ARSB: variants seen among roughly 807,000 people sequenced by gnomAD.
The protein encoded by ARSB is arylsulfatase B, also known as N-acetylgalactosamine-4-sulfatase.
ARSB carries 41 observed loss-of-function variants against 50.9 expected under a neutral mutation model. The observed-to-expected ratio is 0.81, with a 90% CI of 0.63 to 1.04. The LOEUF is 1.04. Ranked by LOEUF, ARSB falls within the 50% of genes least tolerant of loss-of-function variation. The pLI is 0.00. For missense variants in ARSB, 672 were observed against 693.3 expected, an observed-to-expected ratio of 0.97 and a Z score of 0.35; for synonymous variants, 269 against 284.8, an observed-to-expected ratio of 0.94 and a Z score of 0.56.
At chr5:78,825,738 A>G (rs1744408161) in intron 6 of ARSB, among the ~76,000 whole-genome samples, 1 of 152,202 alleles carries the variant, frequency 6.6e-6, no homozygotes, top group Non-Finnish European at 1.5e-5. Context: ...AAAGTCAGCT[A>G]TAAGCACTGA....
At chr5:78,967,342 T>TAATA (rs1450328432) in intron 2 of ARSB, among the ~76,000 whole-genome samples, 1 of 152,184 alleles carries the variant, frequency 6.6e-6, no homozygotes, top group African/African-American at 2.4e-5. Context: ...GTAACTCTTA[T>TAATA]AGTCTTTTCC....
intron 4 of ARSB, among the ~76,000 whole-genome samples, chr5:78,937,921 G>A (rs1484411643): frequency 6.6e-6 from 1 of 152,122 alleles, no homozygotes; most frequent in Non-Finnish European, 1.5e-5. Flanking sequence ...GGGTCACAGA[G>A]AAGTGAAAAA....
chr5:78,893,069 T>C (rs750011635), intron 4 of ARSB, among the ~76,000 whole-genome samples: 8 of 152,182 alleles, frequency 5.3e-5, no homozygotes, highest in Non-Finnish European at 5.9e-5. Flanking sequence ...CAGGGGCAGA[T>C]TCCCCCATAC....
intron 4 of ARSB, among the ~76,000 whole-genome samples, chr5:78,923,794 G>A (rs1749932792): frequency 6.6e-6 from 1 of 152,174 alleles, no homozygotes; most frequent in African/African-American, 2.4e-5. Context: ...CAGTGAATAG[G>A]TTCAGCTCTG....
intron 5 of ARSB, among the ~76,000 whole-genome samples, chr5:78,870,787 T>C (rs1747108318): frequency 6.6e-6 from 1 of 151,068 alleles, no homozygotes; most frequent in Admixed American, 6.6e-5. Context: ...CCACTCCTAT[T>C]CAACATAGTG....
intron 4 of ARSB, among the ~76,000 whole-genome samples, chr5:78,916,772 T>C (rs1749563744): frequency 6.6e-6 from 1 of 152,200 alleles, no homozygotes; most frequent in Non-Finnish European, 1.5e-5. Flanking sequence ...TATTCATTCT[T>C]GGGGGGATCT....
chr5:78,972,544 C>CACACACACACACACA (rs1554088554), intron 1 of ARSB, among the ~76,000 whole-genome samples: 5 of 147,608 alleles, frequency 3.4e-5, no homozygotes, highest in African/African-American at 1.3e-4. Context: ...CACACACACA[C>CACACACACACACACA]CCCAAATCAA....
chr5:78,957,708 A>C (rs1178510173), intron 3 of ARSB, among the ~76,000 whole-genome samples: 1 of 152,106 alleles, frequency 6.6e-6, no homozygotes, highest in Non-Finnish European at 1.5e-5. Context: ...TGAAGCGTCT[A>C]TGTTCGTGTA....
chr5:78,793,405 A>G (rs1205698753), intron 6 of ARSB, among the ~76,000 whole-genome samples: 1 of 152,258 alleles, frequency 6.6e-6, no homozygotes, highest in South Asian at 2.1e-4. Context: ...TAGTGGGGAC[A>G]GGGAGGAGCA....
chr5:78,923,843 C>A (rs368363606), intron 4 of ARSB, among the ~76,000 whole-genome samples: 4 of 152,292 alleles, frequency 2.6e-5, no homozygotes, highest in African/African-American at 9.6e-5. Context: ...GTTGAGTCTA[C>A]AGTTTTCTCT....
At chr5:78,849,916 C>G (rs538318642) in intron 5 of ARSB, among the ~76,000 whole-genome samples, 1 of 151,170 alleles carries the variant, frequency 6.6e-6, no homozygotes, top group Non-Finnish European at 1.5e-5. Context: ...GATTTTGCAT[C>G]CTGAGACTTT....
rs1748771112 is a variant in ARSB, at chr5:78,900,860, A to C, written c.899-15033T>G. Among the ~76,000 whole-genome samples, 7 of 152,098 alleles carry C rather than the reference A, an allele frequency of 4.6e-5. No homozygotes were observed. In the East Asian group the frequency reaches 1.2e-3, roughly 25 times the overall value. Reference sequence around the variant, plus strand: ...CGAGACCATCCTGGCTAACACAGTGAAGCCCGTCTCTACTAAAAATACAAA... The same window carrying C: ...CGAGACCATCCTGGCTAACACAGTGCAGCCCGTCTCTACTAAAAATACAAA... On this transcript the variant is annotated intron_variant, in intron 4 of 7. Transcript: ENST00000264914.
chr5:78,838,222 C>G (rs942246474), intron 6 of ARSB, among the ~76,000 whole-genome samples: 3 of 152,250 alleles, frequency 2.0e-5, no homozygotes, highest in African/African-American at 7.2e-5. Context: ...TTCTGGGGCT[C>G]TGGAAAGCAT....
Position 78,889,222 on chromosome 5 carries a change from C to T in ARSB, c.899-3395G>A, listed in dbSNP as rs375754697. 1.1e-4 allele frequency among the ~76,000 whole-genome samples: 16 copies of T among 152,328 alleles called. No individual in the cohort carries two copies. In the East Asian group the frequency reaches 1.5e-3, roughly 15 times the overall value. ...GGAGTAGCAACAAGAATAAAATAAG[C>T]TCTTTTGCAACAAGGTGGAAAAGGG... On this transcript the variant is annotated intron_variant, in intron 4 of 7. Transcript: ENST00000264914.
intron 4 of ARSB, among the ~76,000 whole-genome samples, chr5:78,951,723 C>G (rs944532564): frequency 6.6e-6 from 1 of 152,082 alleles, no homozygotes; most frequent in Non-Finnish European, 1.5e-5. Context: ...AAGACACACA[C>G]CTAGATATAA....
chr5:78,855,338 T>C (rs1746084726), intron 5 of ARSB, among the ~76,000 whole-genome samples: 1 of 152,184 alleles, frequency 6.6e-6, no homozygotes, highest in Non-Finnish European at 1.5e-5. Flanking sequence ...GGGCATGATT[T>C]CTCTGAGCAG....
chr5:78,930,185 C>T (rs60750340), intron 4 of ARSB, among the ~76,000 whole-genome samples: 7,017 of 152,206 alleles, frequency 0.046, 343 homozygotes, highest in African/African-American at 0.12. Context: ...TGGCAACCTA[C>T]GGCCAGCACT....
chr5:78,858,690 G>T (rs942773305), intron 5 of ARSB, among the ~76,000 whole-genome samples: 8 of 152,022 alleles, frequency 5.3e-5, no homozygotes, highest in Non-Finnish European at 7.4e-5. Context: ...TTTCTGAGAA[G>T]AAATTTTGAA....
At chr5:78,858,689 A>G (rs1051921108) in intron 5 of ARSB, among the ~76,000 whole-genome samples, 1 of 152,246 alleles carries the variant, frequency 6.6e-6, no homozygotes, top group Non-Finnish European at 1.5e-5. Context: ...CTTTCTGAGA[A>G]GAAATTTTGA....
Sources: gnomAD v4.1 joint callset for allele counts (sites outside exome capture counted in the v4.1 genomes callset) on GRCh38, gnomAD v4.1.1 for gene constraint, MANE v1.5 for transcripts, NCBI Gene and HGNC (gene_info 2026-07-23, HGNC 2026-07-21) for gene names.